ZBTB20: variants seen among roughly 807,000 people sequenced by gnomAD.
The protein encoded by ZBTB20 is zinc finger and BTB domain-containing protein 20.
A neutral mutation model predicts 56.9 loss-of-function variants in ZBTB20; 9 were observed. That is an observed-to-expected ratio of 0.16 (90% CI 0.10 to 0.28). The LOEUF (loss-of-function observed/expected upper bound fraction) is 0.28, where lower values mean the gene tolerates loss of function less well. Among genes scored for constraint, ZBTB20 ranks in the 10% least tolerant of loss-of-function variants. The pLI is 1.00. For synonymous variants in ZBTB20, 417 were observed against 420.7 expected (o/e 0.99, Z 0.11); for missense variants, 655 against 1,003.0 (o/e 0.65, Z 4.69).
At position 114,319,233 on chromosome 3, in the gene ZBTB20, T is replaced by C. The variant is rs1034024786; in HGVS notation, c.*19772A>G. Reference sequence around the variant, plus strand: ...AAAATGCATTCAAAAATAGAAAATATTACACAACAAAAATATGTATCCTTC... The same window carrying C: ...AAAATGCATTCAAAAATAGAAAATACTACACAACAAAAATATGTATCCTTC... On this transcript the variant is annotated 3_prime_UTR_variant, in exon 12 of 12. Transcript: ENST00000675478. 3 of 151,754 alleles carry C rather than the reference T, an allele frequency of 2.0e-5. No homozygotes were observed. Among genetic ancestry groups the C allele is most frequent in the East Asian group, 1.9e-4 (1 of 5,182 alleles). 9.4% of individuals were successfully genotyped at this position (151,754 alleles called of 1,614,324 possible). A position where few individuals can be genotyped will look rare whatever the true frequency, so the allele number is the denominator to read the frequency against.
At chr3:114,405,008 G>A (rs1407356373) in intron 7 of ZBTB20, among the ~76,000 whole-genome samples, 1 of 152,006 alleles carries the variant, frequency 6.6e-6, no homozygotes, top group Non-Finnish European at 1.5e-5. Context: ...GATAACTGGA[G>A]TCACTGAAAC....
chr3:114,633,440 C>A (rs1209974364), intron 6 of ZBTB20, among the ~76,000 whole-genome samples: 1 of 152,098 alleles, frequency 6.6e-6, no homozygotes, highest in Admixed American at 6.6e-5. Context: ...TATCTGAAAT[C>A]ATCAATGGCT....
intron 9 of ZBTB20, 150 bp from the exon 10 acceptor site, chr3:114,380,554 C>T: frequency 8.1e-7 from 1 of 1,238,446 alleles, no homozygotes; most frequent in Non-Finnish European, 1.1e-6. Flanking sequence ...CAAGCTGATT[C>T]TTGTTTTTTT....
chr3:114,747,936 A>ACAAC (rs2067178892), intron 5 of ZBTB20, among the ~76,000 whole-genome samples: 1 of 2,102 alleles, frequency 4.8e-4, no homozygotes, highest in African/African-American at 4.8e-4. Context: ...AAAAAAAAAA[A>ACAAC]AAAAAAAAAA....
intron 4 of ZBTB20, among the ~76,000 whole-genome samples, chr3:114,898,257 C>A (rs894530488): frequency 2.6e-5 from 4 of 152,072 alleles, no homozygotes; most frequent in African/African-American, 9.7e-5. Context: ...TATTTATGGG[C>A]TGCAAAGTAT....
At chr3:114,714,994 C>T (rs2064364024) in intron 5 of ZBTB20, among the ~76,000 whole-genome samples, 1 of 152,140 alleles carries the variant, frequency 6.6e-6, no homozygotes, top group African/African-American at 2.4e-5. Context: ...TCCTTCTCCC[C>T]TTTAGGCAAC....
At chr3:114,619,050 G>A (rs2058131976) in intron 6 of ZBTB20, among the ~76,000 whole-genome samples, 1 of 152,106 alleles carries the variant, frequency 6.6e-6, no homozygotes, top group Non-Finnish European at 1.5e-5. Flanking sequence ...GACTACCCAG[G>A]AGGACATTGT....
At chr3:114,956,248 G>A (rs547422163) in intron 3 of ZBTB20, among the ~76,000 whole-genome samples, 75 of 152,242 alleles carry the variant, frequency 4.9e-4, no homozygotes, top group African/African-American at 1.7e-3. Flanking sequence ...ACAAAAGCAG[G>A]GGACAAAGTT....
At chr3:114,631,348 G>A (rs1389945815) in intron 6 of ZBTB20, among the ~76,000 whole-genome samples, 1 of 128,480 alleles carries the variant, frequency 7.8e-6, no homozygotes, top group African/African-American at 3.0e-5. Context: ...TGACATTTTT[G>A]TGGAGGGGTG....
chr3:114,984,723 T>C (rs2078464591), intron 2 of ZBTB20, among the ~76,000 whole-genome samples: 1 of 152,044 alleles, frequency 6.6e-6, no homozygotes, highest in African/African-American at 2.4e-5. Context: ...GAAACATACA[T>C]TTATGTTTAG....
intron 5 of ZBTB20, among the ~76,000 whole-genome samples, chr3:114,736,102 C>T (rs1026739783): frequency 5.3e-5 from 8 of 152,184 alleles, no homozygotes; most frequent in East Asian, 1.9e-4. Context: ...AAGGATACAC[C>T]GGAGTTTCCA....
At chr3:114,797,881 A>C (rs976780059) in intron 5 of ZBTB20, among the ~76,000 whole-genome samples, 3 of 151,882 alleles carry the variant, frequency 2.0e-5, no homozygotes, top group African/African-American at 7.2e-5. Context: ...TGGATGGGTT[A>C]AAATAAAGGA....
chr3:114,746,531 T>C (rs1360128016), intron 5 of ZBTB20, among the ~76,000 whole-genome samples: 6 of 152,196 alleles, frequency 3.9e-5, no homozygotes, highest in Admixed American at 3.9e-4. Flanking sequence ...AGGTTTCATC[T>C]GTGTCAGAGA....
At chr3:114,975,750 T>C (rs1219688635) in intron 2 of ZBTB20, among the ~76,000 whole-genome samples, 2 of 152,166 alleles carry the variant, frequency 1.3e-5, no homozygotes, top group Non-Finnish European at 2.9e-5. Flanking sequence ...GTTCTGATCA[T>C]AGAGATAAAG....
chr3:114,567,567 A>G (rs765189445), intron 6 of ZBTB20, among the ~76,000 whole-genome samples: 7 of 152,060 alleles, frequency 4.6e-5, no homozygotes, highest in Non-Finnish European at 7.4e-5. Flanking sequence ...ATCATCTCTT[A>G]TACTCCATTC....
chr3:114,853,577 C>A (rs1342856067), intron 4 of ZBTB20, among the ~76,000 whole-genome samples: 1 of 152,214 alleles, frequency 6.6e-6, no homozygotes, highest in African/African-American at 2.4e-5. Context: ...TGTCCTTAAA[C>A]CCCTGGACTA....
At chr3:115,123,247 T>C (rs2084233460) in intron 1 of ZBTB20, among the ~76,000 whole-genome samples, 1 of 152,148 alleles carries the variant, frequency 6.6e-6, no homozygotes, top group Admixed American at 6.5e-5. Flanking sequence ...TGGGCACCTA[T>C]TTTCATTCCA....
intron 5 of ZBTB20, among the ~76,000 whole-genome samples, chr3:114,781,585 A>C (rs1193708558): frequency 1.3e-5 from 2 of 152,180 alleles, no homozygotes; most frequent in Non-Finnish European, 2.9e-5. Context: ...CATCCTTTTA[A>C]GGGGAGTAAT....
At chr3:114,556,952 T>A (rs567872775) in intron 6 of ZBTB20, among the ~76,000 whole-genome samples, 1 of 152,132 alleles carries the variant, frequency 6.6e-6, no homozygotes, top group Non-Finnish European at 1.5e-5. Context: ...TGATGTGAAG[T>A]GTCAGCCAGA....
Sources: allele counts gnomAD v4.1 joint callset (sites outside exome capture counted in the v4.1 genomes callset), GRCh38; gene constraint gnomAD v4.1.1; transcripts MANE v1.5; gene names NCBI Gene and HGNC (gene_info 2026-07-23, HGNC 2026-07-21).